The following VPS13A variants were observed in gnomAD, a reference collection of about 807,000 sequenced individuals.
VPS13A encodes vacuolar protein sorting 13 homolog A, also known as intermembrane lipid transfer protein VPS13A.
Under a neutral mutation model 390.9 loss-of-function variants are expected in VPS13A, and 264 were observed. The observed-to-expected ratio is 0.68, with a 90% CI of 0.61 to 0.75. The LOEUF is 0.75. Among genes scored for constraint, VPS13A ranks in the 30% least tolerant of loss-of-function variants. VPS13A has a pLI of 0.00. For synonymous variants in VPS13A, 1,231 were observed against 1,227.1 expected (o/e 1.00, Z -0.07); for missense variants, 3,409 against 3,733.9 (o/e 0.91, Z 2.27).
rs1456647527 is a variant in VPS13A, at chr9:77,375,437, TTAAA to T, written c.9077+4291_9077+4294del. 5.9e-5 allele frequency among the ~76,000 whole-genome samples: 9 copies of T among 152,170 alleles called. No homozygotes were observed. In the East Asian group the frequency reaches 1.5e-3, roughly 26 times the overall value. On this transcript the variant is annotated intron_variant, in intron 67 of 71. Transcript: ENST00000360280. ...CAATTTGGGGAGAGAATGATTGGCATTAAATATTGTCCTATTTGTAAAGAGGATG... is the reference window on the plus strand; with the variant it reads ...CAATTTGGGGAGAGAATGATTGGCATTATTGTCCTATTTGTAAAGAGGATG...
chr9:77,414,596 G>T (rs1329943859), intron 71 of VPS13A, among the ~76,000 whole-genome samples: 22 of 152,086 alleles, frequency 1.4e-4, no homozygotes, highest in Non-Finnish European at 2.1e-4. Context: ...TTATGGGATG[G>T]GGGGAGGGAG....
chr9:77,382,688 GC>G, intron 68 of VPS13A: 1 of 990,738 alleles, frequency 1.0e-6, no homozygotes, highest in East Asian at 1.1e-4. Context: ...GGATTCTTGT[GC>G]TTTGCCTTTG....
At chr9:77,186,338 G>T (rs1015099380) in intron 1 of VPS13A, among the ~76,000 whole-genome samples, 9 of 152,170 alleles carry the variant, frequency 5.9e-5, no homozygotes, top group African/African-American at 2.2e-4. Flanking sequence ...AGGAAGAAAA[G>T]ACTTAATTTA....
chr9:77,273,447 C>A, intron 24 of VPS13A, 83 bp downstream of exon 24: 1 of 1,117,872 alleles, frequency 8.9e-7, no homozygotes, highest in Non-Finnish European at 1.3e-6. Flanking sequence ...CAAAGGACCA[C>A]ACAGAGGAAG....
rs138182452 is a variant in VPS13A, at chr9:77,285,462, T to G, written c.3339+1812T>G. Among the ~76,000 whole-genome samples, 47 of 152,302 alleles carry G rather than the reference T, an allele frequency of 3.1e-4. No homozygotes were observed. In the East Asian group the frequency reaches 6.9e-3, roughly 22 times the overall value. ...GATTCTTGCTGACCTGATAGTCTCA[T>G]GAAAAACATATCATAGTAAATTAGT... On this transcript the variant is annotated intron_variant, in intron 31 of 71. Coordinates refer to ENST00000360280, the MANE Select transcript of VPS13A (RefSeq NM_033305.3).
At chr9:77,356,560 A>G (rs1422672711) in intron 54 of VPS13A, among the ~76,000 whole-genome samples, 154 bp from the exon 55 acceptor site, 1 of 152,236 alleles carries the variant, frequency 6.6e-6, no homozygotes, top group Non-Finnish European at 1.5e-5. Context: ...TAGTAGTTGA[A>G]TGAATTCATG....
At chr9:77,347,540 G>A (rs1474486300) in intron 52 of VPS13A, among the ~76,000 whole-genome samples, 1 of 151,932 alleles carries the variant, frequency 6.6e-6, no homozygotes. Context: ...GCAGTGGTGC[G>A]ATCCAGGCTC....
At chr9:77,207,492 C>G (rs1304276826) in intron 5 of VPS13A, among the ~76,000 whole-genome samples, 1 of 150,132 alleles carries the variant, frequency 6.7e-6, no homozygotes, top group Non-Finnish European at 1.5e-5. Flanking sequence ...TTGGTTAAAT[C>G]AGAATTCATT....
At chr9:77,239,464 A>G (rs1036951929) in intron 19 of VPS13A, among the ~76,000 whole-genome samples, 1 of 152,038 alleles carries the variant, frequency 6.6e-6, no homozygotes, top group Non-Finnish European at 1.5e-5. Flanking sequence ...TTTTCCTCCT[A>G]TAAACCACAT....
chr9:77,233,408 C>T (rs1187274988), intron 17 of VPS13A, among the ~76,000 whole-genome samples: 1 of 151,764 alleles, frequency 6.6e-6, no homozygotes, highest in Admixed American at 6.6e-5. Context: ...TCATTTGTCT[C>T]CACTCTGACA....
chr9:77,414,269 G>A (rs919610650), intron 71 of VPS13A, among the ~76,000 whole-genome samples: 1 of 152,128 alleles, frequency 6.6e-6, no homozygotes, highest in African/African-American at 2.4e-5. Flanking sequence ...AAATCATGCT[G>A]CTATAAAGAC....
At chr9:77,293,574 A>G in intron 32 of VPS13A, 66 bp downstream of exon 32, 1 of 953,478 alleles carries the variant, frequency 1.0e-6, no homozygotes, top group Non-Finnish European at 1.4e-6. Context: ...TCAAATATGG[A>G]TGAAGACTAG....
chr9:77,213,221 A>T lies in VPS13A; in HGVS notation c.616-13A>T. 1 of 1,611,592 alleles carries T rather than the reference A, an allele frequency of 6.2e-7. No individual in the cohort carries two copies. The highest frequency in any genetic ancestry group is 8.5e-7 in the Non-Finnish European group (1 of 1,178,232). Reference sequence around the variant, plus strand: ...TCAAAGAAAATGAGACATCTAATAAATTTTATTTTCAGTTAATCCGATTGG... The same window carrying T: ...TCAAAGAAAATGAGACATCTAATAATTTTTATTTTCAGTTAATCCGATTGG... On this transcript the variant is annotated splice_polypyrimidine_tract_variant and intron_variant, in intron 8 of 71. Coordinates refer to ENST00000360280, the MANE Select transcript of VPS13A (RefSeq NM_033305.3).
intron 17 of VPS13A, among the ~76,000 whole-genome samples, chr9:77,235,821 A>G (rs1824112386): frequency 6.6e-6 from 1 of 151,680 alleles, no homozygotes; most frequent in South Asian, 2.1e-4. Context: ...CCTCTGTGAA[A>G]CCTCTCTGCA....
At position 77,289,444 on chromosome 9, in the gene VPS13A, T is replaced by G. The variant is rs560419717; in HGVS notation, c.3340-3897T>G. Among the ~76,000 whole-genome samples, 27 of 152,302 alleles carry G rather than the reference T, an allele frequency of 1.8e-4. No individual in the cohort carries two copies. In the South Asian group the frequency reaches 5.2e-3, roughly 29 times the overall value. On this transcript the variant is annotated intron_variant, in intron 31 of 71. Coordinates refer to ENST00000360280, the MANE Select transcript of VPS13A (RefSeq NM_033305.3). Reference sequence around the variant, plus strand: ...GGCCTGATTTTTGATTAATTATCATTTATTTTATGGTTTCTCTAGGGTTTA... The same window carrying G: ...GGCCTGATTTTTGATTAATTATCATGTATTTTATGGTTTCTCTAGGGTTTA...
At chr9:77,198,427 G>A (rs1034111538) in intron 1 of VPS13A, among the ~76,000 whole-genome samples, 2 of 151,886 alleles carry the variant, frequency 1.3e-5, no homozygotes, top group Admixed American at 6.6e-5. Flanking sequence ...TTTTTGCATT[G>A]GTAACATCAT....
intron 68 of VPS13A, among the ~76,000 whole-genome samples, chr9:77,384,099 A>G (rs1280904508): frequency 6.6e-6 from 1 of 151,734 alleles, no homozygotes; most frequent in Non-Finnish European, 1.5e-5. Flanking sequence ...CCTAGATTTT[A>G]TGTAAGTGAT....
intron 46 of VPS13A, among the ~76,000 whole-genome samples, chr9:77,336,434 G>C (rs988404645): frequency 6.6e-6 from 1 of 151,704 alleles, no homozygotes; most frequent in African/African-American, 2.4e-5. Context: ...GCACTGTTCC[G>C]CATCTATTGA....
chr9:77,408,870 C>G (rs1834761310), intron 71 of VPS13A, among the ~76,000 whole-genome samples: 1 of 152,250 alleles, frequency 6.6e-6, no homozygotes, highest in Non-Finnish European at 1.5e-5. Context: ...CCTCTGGGGG[C>G]AGGGCACAGC....
Sources: gnomAD v4.1 joint callset for allele counts (sites outside exome capture counted in the v4.1 genomes callset) on GRCh38, gnomAD v4.1.1 for gene constraint, MANE v1.5 for transcripts, NCBI Gene and HGNC (gene_info 2026-07-23, HGNC 2026-07-21) for gene names.